Variants in TMEM132D observed in about 807,000 individuals in gnomAD.
TMEM132D encodes mature OL transmembrane protein.
A neutral mutation model predicts 62.3 loss-of-function variants in TMEM132D; 21 were observed. The observed-to-expected ratio is 0.34, with a 90% CI of 0.24 to 0.49. The LOEUF (loss-of-function observed/expected upper bound fraction) is 0.49, where lower values mean the gene tolerates loss of function less well. Ranked by LOEUF, TMEM132D falls within the 20% of genes least tolerant of loss-of-function variation. The pLI is 0.99. For missense variants in TMEM132D, 1,346 were observed against 1,402.8 expected, an observed-to-expected ratio of 0.96 and a Z score of 0.65; for synonymous variants, 621 against 575.6, an observed-to-expected ratio of 1.08 and a Z score of -1.13.
In TMEM132D at chr12:129,896,977, T is replaced by A. The variant is rs145074278; in HGVS notation, c.79+6284A>T. Among the ~76,000 whole-genome samples the A allele has an allele frequency of 1.6e-4, 25 of 152,292 alleles. No homozygotes were observed. The East Asian group carries it at 2.9e-3, about 18-fold the overall frequency. On this transcript the variant is annotated intron_variant, in intron 1 of 8. Coordinates refer to ENST00000422113, the MANE Select transcript of TMEM132D (RefSeq NM_133448.3). ...TGTTTACTTTCAAGGTCAAGGGCCTTCCTTCTCCATCAATTCTTAATTTAT... is the reference window on the plus strand; with the variant it reads ...TGTTTACTTTCAAGGTCAAGGGCCTACCTTCTCCATCAATTCTTAATTTAT...
At chr12:129,896,404 C>T (rs1274291140) in intron 1 of TMEM132D, among the ~76,000 whole-genome samples, 6 of 152,154 alleles carry the variant, frequency 3.9e-5, no homozygotes, top group Admixed American at 1.3e-4. Context: ...AGGGCAATGT[C>T]GCCATCTGTT....
intron 2 of TMEM132D, among the ~76,000 whole-genome samples, chr12:129,617,730 T>C (rs1241852675): frequency 6.6e-6 from 1 of 152,092 alleles, no homozygotes; most frequent in Non-Finnish European, 1.5e-5. Flanking sequence ...TCTCACTGCA[T>C]CCTCTCCTGG....
At chr12:129,543,483 A>G (rs533368536) in intron 2 of TMEM132D, among the ~76,000 whole-genome samples, 10 of 152,226 alleles carry the variant, frequency 6.6e-5, no homozygotes, top group Admixed American at 6.5e-4. Context: ...TGAAAATATC[A>G]TAATTGAAAA....
At chr12:129,491,750 T>C (rs1874802987) in intron 3 of TMEM132D, among the ~76,000 whole-genome samples, 4 of 152,214 alleles carry the variant, frequency 2.6e-5, no homozygotes, top group African/African-American at 9.6e-5. Flanking sequence ...AAGGCCAGCC[T>C]GGGCAACATG....
At chr12:129,886,835 T>G (rs552856939) in intron 1 of TMEM132D, among the ~76,000 whole-genome samples, 1 of 152,166 alleles carries the variant, frequency 6.6e-6, no homozygotes, top group Non-Finnish European at 1.5e-5. Context: ...GTTCTCCTGA[T>G]AGTGAGTCCT....
chr12:129,869,377 G>A (rs1332554083), intron 1 of TMEM132D, among the ~76,000 whole-genome samples: 1 of 152,120 alleles, frequency 6.6e-6, no homozygotes, highest in East Asian at 1.9e-4. Context: ...ATCCTCGGAT[G>A]CTCAATTCCT....
intron 3 of TMEM132D, among the ~76,000 whole-genome samples, chr12:129,376,962 CT>C (rs2135684318): frequency 6.6e-6 from 1 of 152,298 alleles, no homozygotes; most frequent in African/African-American, 2.4e-5. Context: ...GCTTTACTTC[CT>C]TGTGTGTCCC....
At chr12:129,659,286 G>C (rs1875902428) in intron 2 of TMEM132D, among the ~76,000 whole-genome samples, 1 of 152,122 alleles carries the variant, frequency 6.6e-6, no homozygotes, top group Non-Finnish European at 1.5e-5. Flanking sequence ...AAATCACTAA[G>C]TGTGGGGTGG....
chr12:129,738,088 A>T (rs1337409248), intron 1 of TMEM132D, among the ~76,000 whole-genome samples: 1 of 152,278 alleles, frequency 6.6e-6, no homozygotes, highest in Non-Finnish European at 1.5e-5. Context: ...TAAGGAGATT[A>T]AATGACTCCT....
At chr12:129,860,562 T>C (rs1873860850) in intron 1 of TMEM132D, among the ~76,000 whole-genome samples, 1 of 152,264 alleles carries the variant, frequency 6.6e-6, no homozygotes. Flanking sequence ...TGCATAAATA[T>C]ATATACATAT....
intron 3 of TMEM132D, among the ~76,000 whole-genome samples, chr12:129,421,182 C>T (rs994910885): frequency 8.5e-5 from 13 of 152,162 alleles, no homozygotes; most frequent in East Asian, 5.8e-4. Context: ...GGGCTGGTCT[C>T]GAACTCCCGG....
chr12:129,556,892 T>C (rs940882585), intron 2 of TMEM132D, among the ~76,000 whole-genome samples: 1 of 152,190 alleles, frequency 6.6e-6, no homozygotes. Flanking sequence ...CAGAATAATT[T>C]TGACAAAACT....
intron 2 of TMEM132D, among the ~76,000 whole-genome samples, chr12:129,689,831 C>T (rs1052680765): frequency 7.2e-5 from 11 of 152,116 alleles, no homozygotes; most frequent in Admixed American, 2.0e-4. Flanking sequence ...GTGTACATGG[C>T]TTGGAAGTCA....
rs2137228155 is a variant in TMEM132D at position 129,700,718 on chromosome 12, G to A, written c.80-20C>T. The A allele has an allele frequency of 1.3e-6, 2 of 1,584,044 alleles. No homozygotes were observed. The highest frequency in any genetic ancestry group is 1.7e-6 in the Non-Finnish European group (2 of 1,166,746). ...CCGTCACTGTGGGGAGGGAATCGCAGTGCAGGCGTTAGTAATGCTAAGGTC... is the reference window on the plus strand; with the variant it reads ...CCGTCACTGTGGGGAGGGAATCGCAATGCAGGCGTTAGTAATGCTAAGGTC... On this transcript the variant is annotated intron_variant, in intron 1 of 8. Transcript: ENST00000422113.
rs147085917 is a variant in TMEM132D, at chr12:129,901,874, CA to C, written c.79+1386del. Among the ~76,000 whole-genome samples, 166 of 146,464 alleles carry C rather than the reference CA, an allele frequency of 1.1e-3. 1 individual carries two copies. Among genetic ancestry groups the C allele is most frequent in the Non-Finnish European group, 2.0e-3 (133 of 66,616 alleles). Reference sequence around the variant, plus strand: ...AAGTGAGAACCAACCCCCCCCGCCCCAAAAAAAAAATGCTGGGCTGTTGTTG... The same window carrying C: ...AAGTGAGAACCAACCCCCCCCGCCCCAAAAAAAAATGCTGGGCTGTTGTTG... On this transcript the variant is annotated intron_variant, in intron 1 of 8. Coordinates refer to ENST00000422113, the MANE Select transcript of TMEM132D (RefSeq NM_133448.3).
chr12:129,428,079 G>A (rs1872549540), intron 3 of TMEM132D, among the ~76,000 whole-genome samples: 1 of 152,104 alleles, frequency 6.6e-6, no homozygotes, highest in South Asian at 2.1e-4. Context: ...ATAAAGAGAA[G>A]AGAGGAAACA....
intron 1 of TMEM132D, among the ~76,000 whole-genome samples, chr12:129,772,254 T>C (rs1483793577): frequency 6.6e-6 from 1 of 152,224 alleles, no homozygotes; most frequent in Non-Finnish European, 1.5e-5. Flanking sequence ...ATAATTTAAA[T>C]TGATTAAGAT....
chr12:129,332,351 A>G (rs1043195089), intron 4 of TMEM132D, among the ~76,000 whole-genome samples: 1 of 152,220 alleles, frequency 6.6e-6, no homozygotes. Context: ...ACTATTGAAG[A>G]AGACTTCAAG....
At chr12:129,147,876 G>C (rs926603536) in intron 5 of TMEM132D, among the ~76,000 whole-genome samples, 1 of 152,186 alleles carries the variant, frequency 6.6e-6, no homozygotes, top group African/African-American at 2.4e-5. Context: ...CCCACCTTGG[G>C]TTTAGCATGA....
Sources: allele counts gnomAD v4.1 joint callset (sites outside exome capture counted in the v4.1 genomes callset), GRCh38; gene constraint gnomAD v4.1.1; transcripts MANE v1.5; gene names NCBI Gene and HGNC (gene_info 2026-07-23, HGNC 2026-07-21).